ADAMTS12: variants seen among roughly 807,000 people sequenced by gnomAD.
ADAMTS12 encodes ADAM metallopeptidase with thrombospondin type 1 motif 12, also known as A disintegrin and metalloproteinase with thrombospondin motifs 12.
A neutral mutation model predicts 167.8 loss-of-function variants in ADAMTS12; 118 were observed. The ratio of observed to expected loss-of-function variants is 0.70; its 90% CI spans 0.61 to 0.82. The LOEUF is 0.82. Ranked by LOEUF, ADAMTS12 falls within the 40% of genes least tolerant of loss-of-function variation. ADAMTS12 has a pLI of 0.00. For synonymous variants in ADAMTS12, 704 were observed against 716.9 expected (o/e 0.98, Z 0.29); for missense variants, 1,916 against 1,998.8 (o/e 0.96, Z 0.79).
At chr5:33,871,895 A>G (rs1036018677) in intron 2 of ADAMTS12, among the ~76,000 whole-genome samples, 3 of 151,850 alleles carry the variant, frequency 2.0e-5, no homozygotes, top group Non-Finnish European at 4.4e-5. Context: ...TGTGAGAAAT[A>G]TTATAGAATA....
intron 18 of ADAMTS12, among the ~76,000 whole-genome samples, chr5:33,580,518 G>T (rs1485524433): frequency 1.3e-5 from 2 of 152,126 alleles, no homozygotes; most frequent in Non-Finnish European, 2.9e-5. Flanking sequence ...GATGAGATTT[G>T]GGTGGGGACA....
At chr5:33,796,270 A>G (rs190093646) in intron 2 of ADAMTS12, among the ~76,000 whole-genome samples, 3 of 152,336 alleles carry the variant, frequency 2.0e-5, no homozygotes, top group Admixed American at 2.0e-4. Context: ...ATGCATCAGT[A>G]AAGGAAAGGA....
At chr5:33,549,542 G>A (rs988420760) in intron 20 of ADAMTS12, among the ~76,000 whole-genome samples, 159 bp from the exon 21 acceptor site, 2 of 152,218 alleles carry the variant, frequency 1.3e-5, no homozygotes, top group African/African-American at 4.8e-5. Flanking sequence ...AGAGCAGGAG[G>A]CACCCCAGCA....
In ADAMTS12 at chr5:33,683,955, C is replaced by T. The variant is rs200854110; in HGVS notation, c.735G>A (p.Glu245=). The change falls in exon 4 of 24, where the codon GAG becomes GAA. Residue 245 remains glutamate, a synonymous_variant. Coordinates refer to ENST00000504830, the MANE Select transcript of ADAMTS12 (RefSeq NM_030955.4). ...RSLSRRSISK[E]RWVETLVVAD... is the part of the protein sequence containing the mutation. ...CCACCACCAGTGTCTCCACCCATCT[C>T]TCCTTGCTGATGGAACGCCGAGAGA... 22 of 1,612,940 alleles carry T rather than the reference C, an allele frequency of 1.4e-5. No homozygotes were observed. The highest frequency in any genetic ancestry group is 8.9e-5 in the East Asian group (4 of 44,776).
chr5:33,773,291 C>A (rs1405811368), intron 2 of ADAMTS12, among the ~76,000 whole-genome samples: 1 of 152,178 alleles, frequency 6.6e-6, no homozygotes, highest in Non-Finnish European at 1.5e-5. Flanking sequence ...ATTAGAGCTT[C>A]CTATAATAGA....
rs377150489 is a variant in ADAMTS12 at position 33,857,785 on chromosome 5, C to T, written c.489+23334G>A. Among the ~76,000 whole-genome samples, 86 of 152,306 alleles carry T rather than the reference C, an allele frequency of 5.6e-4. 1 individual carries two copies. The highest frequency in any genetic ancestry group is 2.0e-3 in the African/African-American group (83 of 41,560). ...AAACATTATACAATGATAACCATGT[C>T]GCTTCACCTGGAAGACCTAAGTGTA... On this transcript the variant is annotated intron_variant, in intron 2 of 23. Coordinates refer to ENST00000504830, the MANE Select transcript of ADAMTS12 (RefSeq NM_030955.4).
At chr5:33,680,892 C>T (rs924556003) in intron 5 of ADAMTS12, among the ~76,000 whole-genome samples, 1 of 152,078 alleles carries the variant, frequency 6.6e-6, no homozygotes, top group Admixed American at 6.6e-5. Context: ...CCAATAAAAC[C>T]ATCTTCAGAA....
At chr5:33,532,491 C>G (rs25752) in intron 23 of ADAMTS12, among the ~76,000 whole-genome samples, 72,065 of 147,694 alleles carry the variant, frequency 0.49, 18,464 homozygotes, top group East Asian at 0.78. Context: ...TTTTTTTTGG[C>G]CTTTTCTACC....
intron 3 of ADAMTS12, among the ~76,000 whole-genome samples, chr5:33,697,248 G>A (rs1742814323): frequency 1.3e-5 from 2 of 152,190 alleles, no homozygotes; most frequent in African/African-American, 4.8e-5. Flanking sequence ...ATCTCAAGAT[G>A]TTCTCTCATT....
At chr5:33,774,263 T>C (rs564085168) in intron 2 of ADAMTS12, among the ~76,000 whole-genome samples, 5 of 152,222 alleles carry the variant, frequency 3.3e-5, no homozygotes, top group African/African-American at 9.6e-5. Context: ...CATGGACAAT[T>C]AGAAGTCCTG....
intron 11 of ADAMTS12, among the ~76,000 whole-genome samples, chr5:33,638,874 C>A (rs2112166016): frequency 6.6e-6 from 1 of 152,274 alleles, no homozygotes; most frequent in South Asian, 2.1e-4. Context: ...CTGTCAGGAT[C>A]AATGGGTCTC....
At chr5:33,572,645 C>G (rs1746445412) in intron 19 of ADAMTS12, among the ~76,000 whole-genome samples, 1 of 135,722 alleles carries the variant, frequency 7.4e-6, no homozygotes, top group Non-Finnish European at 1.6e-5. Context: ...CAATATCATA[C>G]TGAATGGGCA....
rs182325105 is a variant in ADAMTS12 at position 33,846,810 on chromosome 5, G to A, written c.489+34309C>T. On this transcript the variant is annotated intron_variant, in intron 2 of 23. Coordinates refer to ENST00000504830, the MANE Select transcript of ADAMTS12 (RefSeq NM_030955.4). ...TCCCCGGAGGTTTGAAGGCTTTTCA[G>A]CACAACTATGAAGCAATGAGTCCTA... Among the ~76,000 whole-genome samples the A allele has an allele frequency of 1.3e-3, 203 of 152,278 alleles. 1 individual carries two copies. The highest frequency in any genetic ancestry group is 4.7e-3 in the African/African-American group (195 of 41,560).
rs756150111 is a variant in ADAMTS12, at chr5:33,615,999, G to A, written c.2217C>T (p.Asn739=). The change falls in exon 15 of 24, where the codon AAC becomes AAT. Residue 739 remains asparagine (N), a synonymous_variant. Coordinates refer to ENST00000504830, the MANE Select transcript of ADAMTS12 (RefSeq NM_030955.4). ...IRVMEIEGAG[N]FLAIRSEDPE... ...GATCTTCACTCCTGATGGCCAGGAA[G>A]TTTCCAGCTCCCTCAATTTCCATCA... 1 of 1,614,182 alleles carries A rather than the reference G, an allele frequency of 6.2e-7. No individual in the cohort carries two copies. The highest frequency in any genetic ancestry group is 8.5e-7 in the Non-Finnish European group (1 of 1,180,014).
intron 15 of ADAMTS12, among the ~76,000 whole-genome samples, chr5:33,614,712 C>A (rs1012978048): frequency 2.6e-5 from 4 of 152,134 alleles, no homozygotes; most frequent in Admixed American, 6.5e-5. Flanking sequence ...AGTATCCTTT[C>A]CAACAATAGG....
chr5:33,666,388 T>C (rs1210804970), intron 5 of ADAMTS12, among the ~76,000 whole-genome samples: 1 of 152,190 alleles, frequency 6.6e-6, no homozygotes, highest in Non-Finnish European at 1.5e-5. Context: ...TTCCACAGGA[T>C]GGGGGAGAGG....
intron 2 of ADAMTS12, among the ~76,000 whole-genome samples, chr5:33,843,340 C>T (rs991363864): frequency 1.3e-5 from 2 of 152,068 alleles, no homozygotes; most frequent in African/African-American, 4.8e-5. Context: ...GGTGGACAGC[C>T]CCAGAGGGAG....
chr5:33,747,387 C>A (rs973753978), intron 3 of ADAMTS12, among the ~76,000 whole-genome samples: 1 of 138,964 alleles, frequency 7.2e-6, no homozygotes, highest in Non-Finnish European at 1.5e-5. Flanking sequence ...ATTCACCAGA[C>A]TAACTACATG....
chr5:33,685,459 G>A (rs1044163641), intron 3 of ADAMTS12, among the ~76,000 whole-genome samples: 2 of 152,088 alleles, frequency 1.3e-5, no homozygotes, highest in African/African-American at 4.8e-5. Context: ...CTCTCCCTTG[G>A]TACTCTCTAG....
Sources: allele counts gnomAD v4.1 joint callset (sites outside exome capture counted in the v4.1 genomes callset), GRCh38; gene constraint gnomAD v4.1.1; transcripts MANE v1.5; gene names NCBI Gene and HGNC (gene_info 2026-07-23, HGNC 2026-07-21).